Variants in LRRC4C observed in about 807,000 individuals in gnomAD.
The protein encoded by LRRC4C is leucine-rich repeat-containing protein 4C.
LRRC4C carries 5 observed loss-of-function variants against 33.6 expected under a neutral mutation model. The observed-to-expected ratio is 0.15, with a 90% CI of 0.08 to 0.31. The LOEUF is 0.31. LRRC4C is among the 10% of genes least tolerant of loss of function. The pLI is 1.00. For synonymous variants in LRRC4C, 329 were observed against 302.0 expected, an observed-to-expected ratio of 1.09 and a Z score of -0.93; for missense variants, 560 against 796.7, an observed-to-expected ratio of 0.70 and a Z score of 3.58.
intron 2 of LRRC4C, among the ~76,000 whole-genome samples, chr11:40,666,455 A>T (rs533249426): frequency 1.8e-4 from 28 of 152,092 alleles, no homozygotes; most frequent in Non-Finnish European, 4.1e-4. Flanking sequence ...ATTTCTTTCC[A>T]GAAAGGGATA....
intron 3 of LRRC4C, among the ~76,000 whole-genome samples, chr11:40,489,267 C>A (rs924522685): frequency 3.3e-5 from 5 of 152,082 alleles, no homozygotes; most frequent in Admixed American, 6.6e-5. Context: ...GCTTTCATAA[C>A]CTTATCTTTA....
intron 3 of LRRC4C, among the ~76,000 whole-genome samples, chr11:40,435,666 C>T (rs1232431736): frequency 2.0e-5 from 3 of 152,052 alleles, no homozygotes; most frequent in Non-Finnish European, 2.9e-5. Context: ...ACAAAGATTA[C>T]CCTGGCTGCT....
intron 5 of LRRC4C, among the ~76,000 whole-genome samples, chr11:40,206,411 T>G (rs1360577607): frequency 0.05 from 1,809 of 35,860 alleles, 31 homozygotes; most frequent in African/African-American, 0.13. Flanking sequence ...AATTTTTGTA[T>G]TTTTTTTTTT....
At chr11:41,068,399 A>T (rs7931569) in intron 1 of LRRC4C, among the ~76,000 whole-genome samples, 10 of 151,800 alleles carry the variant, frequency 6.6e-5, no homozygotes, top group East Asian at 1.9e-4. Flanking sequence ...CCCTCCCCCC[A>T]ACAAAAAAAA....
intron 2 of LRRC4C, among the ~76,000 whole-genome samples, chr11:40,721,000 C>T (rs1466658089): frequency 6.6e-6 from 1 of 152,126 alleles, no homozygotes; most frequent in Non-Finnish European, 1.5e-5. Context: ...ATATAGTCCT[C>T]TAGAACAGGA....
At chr11:40,877,672 C>T (rs1954971636) in intron 2 of LRRC4C, among the ~76,000 whole-genome samples, 3 of 152,244 alleles carry the variant, frequency 2.0e-5, no homozygotes, top group Non-Finnish European at 2.9e-5. Context: ...TTTAGCAATG[C>T]GGTTAGCCAC....
intron 1 of LRRC4C, among the ~76,000 whole-genome samples, chr11:41,251,595 G>A (rs1393025815): frequency 6.6e-6 from 1 of 152,144 alleles, no homozygotes; most frequent in South Asian, 2.1e-4. Context: ...GGCCAAATGT[G>A]CATGATCACA....
intron 2 of LRRC4C, among the ~76,000 whole-genome samples, chr11:40,825,989 G>T (rs1952153878): frequency 6.7e-6 from 1 of 150,288 alleles, no homozygotes; most frequent in Admixed American, 6.7e-5. Context: ...AGGATAAAGT[G>T]AGGAAATTGC....
chr11:41,158,493 A>C (rs1944328613), intron 1 of LRRC4C, among the ~76,000 whole-genome samples: 1 of 152,092 alleles, frequency 6.6e-6, no homozygotes, highest in Non-Finnish European at 1.5e-5. Context: ...CGGGTTACAT[A>C]ATCAGGCAAG....
At chr11:41,363,073 C>T (rs1158816151) in intron 1 of LRRC4C, among the ~76,000 whole-genome samples, 38 of 152,204 alleles carry the variant, frequency 2.5e-4, no homozygotes. Flanking sequence ...ATCTCTGAGT[C>T]CTGTCCATCA....
At chr11:40,421,823 T>C (rs1950534379) in intron 3 of LRRC4C, among the ~76,000 whole-genome samples, 5 of 152,234 alleles carry the variant, frequency 3.3e-5, no homozygotes, top group Admixed American at 3.3e-4. Flanking sequence ...TGCATTGATC[T>C]GTGTCAAAGC....
chr11:40,426,408 C>T (rs1950719115), intron 3 of LRRC4C, among the ~76,000 whole-genome samples: 1 of 151,872 alleles, frequency 6.6e-6, no homozygotes, highest in South Asian at 2.1e-4. Context: ...GTGCTTGCAC[C>T]TTTAGGGTTT....
chr11:40,481,110 G>A (rs1438825280), intron 3 of LRRC4C, among the ~76,000 whole-genome samples: 1 of 151,818 alleles, frequency 6.6e-6, no homozygotes, highest in Non-Finnish European at 1.5e-5. Flanking sequence ...ATGAGATGGT[G>A]TTTTTAATAC....
At chr11:40,798,437 CT>C (rs1277039816) in intron 2 of LRRC4C, among the ~76,000 whole-genome samples, 1 of 152,040 alleles carries the variant, frequency 6.6e-6, no homozygotes, top group African/African-American at 2.4e-5. Flanking sequence ...AGTTAGTTTT[CT>C]GATTTCAAAC....
chr11:41,224,850 C>T (rs767031627), intron 1 of LRRC4C, among the ~76,000 whole-genome samples: 6 of 152,008 alleles, frequency 3.9e-5, no homozygotes, highest in South Asian at 4.1e-4. Context: ...GCTCTGTTTA[C>T]AATAGCCAAG....
At position 40,903,378 on chromosome 11, in the gene LRRC4C, A is replaced by C. The variant is rs146398010; in HGVS notation, c.-407+30257T>G. Among the ~76,000 whole-genome samples the C allele has an allele frequency of 1.7e-3, 265 of 152,326 alleles. 1 individual carries two copies. The highest frequency in any genetic ancestry group is 6.2e-3 in the African/African-American group (257 of 41,580). On this transcript the variant is annotated intron_variant, in intron 2 of 6. Coordinates refer to ENST00000528697, the MANE Select transcript of LRRC4C (RefSeq NM_001258419.2). Reference sequence around the variant, plus strand: ...TATTCACCCAGCAGCTCTGCTGTACAAGTAGATTAATGTTGTTTTCAGACC... The same window carrying C: ...TATTCACCCAGCAGCTCTGCTGTACCAGTAGATTAATGTTGTTTTCAGACC...
At chr11:40,201,027 G>C (rs1374923054) in intron 5 of LRRC4C, among the ~76,000 whole-genome samples, 1 of 152,114 alleles carries the variant, frequency 6.6e-6, no homozygotes, top group Admixed American at 6.5e-5. Flanking sequence ...GCGGAATGTA[G>C]TGTGTGTGTT....
At chr11:41,308,614 A>C (rs1475209668) in intron 1 of LRRC4C, among the ~76,000 whole-genome samples, 2 of 152,222 alleles carry the variant, frequency 1.3e-5, no homozygotes, top group East Asian at 3.9e-4. Flanking sequence ...AAGCGAAGAG[A>C]TATTCTGATT....
chr11:41,087,831 T>C (rs1275643581), intron 1 of LRRC4C, among the ~76,000 whole-genome samples: 1 of 152,288 alleles, frequency 6.6e-6, no homozygotes, highest in Non-Finnish European at 1.5e-5. Flanking sequence ...CATTAAATAA[T>C]GTGTTGGAAA....
Sources: allele counts gnomAD v4.1 joint callset (sites outside exome capture counted in the v4.1 genomes callset), GRCh38; gene constraint gnomAD v4.1.1; transcripts MANE v1.5; gene names NCBI Gene and HGNC (gene_info 2026-07-23, HGNC 2026-07-21).